The following GSE1 variants were observed in gnomAD, a reference collection of about 807,000 sequenced individuals.
GSE1 encodes the protein Gse1 coiled-coil protein, also known as genetic suppressor element 1.
A neutral mutation model predicts 112.6 loss-of-function variants in GSE1; 32 were observed. That is an observed-to-expected ratio of 0.28 (90% CI 0.21 to 0.38). The LOEUF (loss-of-function observed/expected upper bound fraction) is 0.38. Ranked by LOEUF, GSE1 falls within the 10% of genes least tolerant of loss-of-function variation. The pLI is 1.00. For synonymous variants in GSE1, 1,115 were observed against 735.6 expected (o/e 1.52, Z -8.35); for missense variants, 2,348 against 1,699.2 (o/e 1.38, Z -6.71).
chr16:85,658,597 G>A (rs945893848), intron 8 of GSE1, among the ~76,000 whole-genome samples: 2 of 152,224 alleles, frequency 1.3e-5, no homozygotes, highest in Non-Finnish European at 2.9e-5. Context: ...AGGGATGACT[G>A]GGAGTGACTG....
rs28540099 is a variant in GSE1, at chr16:85,437,972, G to A, written c.2464+80329G>A. Among the ~76,000 whole-genome samples the A allele has an allele frequency of 9.3e-3, 1,419 of 152,294 alleles. 17 individuals carry two copies. The highest frequency in any genetic ancestry group is 0.032 in the African/African-American group (1,346 of 41,556). Reference sequence around the variant, plus strand: ...ATTAAGTCACTTATGTGTGGAAGGTGCATAAATAACAGCTATTCTAACTAG... The same window carrying A: ...ATTAAGTCACTTATGTGTGGAAGGTACATAAATAACAGCTATTCTAACTAG... On this transcript the variant is annotated intron_variant, in intron 2 of 2. Transcript: ENST00000637419.
intron 1 of GSE1, chr16:85,556,382 T>C: frequency 1.0e-6 from 1 of 981,490 alleles, no homozygotes; most frequent in Non-Finnish European, 1.2e-6. Context: ...GCCGTGCGCC[T>C]CCCTGGGTCC....
In GSE1 at chr16:85,641,290, G is replaced by A. The variant is rs1279955137; in HGVS notation, c.226+7158G>A. 5.3e-5 allele frequency among the ~76,000 whole-genome samples: 8 copies of A among 152,216 alleles called. No homozygotes were observed. In the East Asian group the frequency reaches 7.7e-4, roughly 15 times the overall value. ...CCCAGGGTCCAGCATCTAAGCTCAC[G>A]CTGTTCAGCACATAATCCGCCCCCG... On this transcript the variant is annotated intron_variant, in intron 2 of 15. Coordinates refer to ENST00000253458, the MANE Select transcript of GSE1 (RefSeq NM_014615.5).
intron 1 of GSE1, among the ~76,000 whole-genome samples, chr16:85,562,699 T>C (rs1193943016): frequency 1.3e-5 from 2 of 152,228 alleles, no homozygotes; most frequent in Non-Finnish European, 2.9e-5. Context: ...CTTGCCCATC[T>C]TCCTCCTGGA....
chr16:85,425,235 A>G (rs957887399), intron 2 of GSE1, among the ~76,000 whole-genome samples: 36 of 148,636 alleles, frequency 2.4e-4, no homozygotes, highest in African/African-American at 8.3e-4. Flanking sequence ...GCATTTCAAC[A>G]GAGAGGATTT....
At chr16:85,547,298 A>G (rs1349956965) in intron 2 of GSE1, among the ~76,000 whole-genome samples, 4 of 152,148 alleles carry the variant, frequency 2.6e-5, no homozygotes, top group Non-Finnish European at 5.9e-5. Context: ...AACAACAGAA[A>G]TGTATTCTCT....
At chr16:85,581,116 T>C (rs1013501384) in intron 1 of GSE1, among the ~76,000 whole-genome samples, 2 of 152,120 alleles carry the variant, frequency 1.3e-5, no homozygotes. Flanking sequence ...AAGGATTTGG[T>C]GAGGTGATCA....
chr16:85,614,273 C>G (rs1051329220), intron 1 of GSE1, among the ~76,000 whole-genome samples: 2 of 152,168 alleles, frequency 1.3e-5, no homozygotes, highest in South Asian at 2.1e-4. Context: ...GTGGCCCGAC[C>G]GAGTGGAGCC....
At chr16:85,507,465 G>A (rs2051577375) in intron 2 of GSE1, among the ~76,000 whole-genome samples, 2 of 152,264 alleles carry the variant, frequency 1.3e-5, no homozygotes, top group African/African-American at 4.8e-5. Flanking sequence ...CCCTTGCCCA[G>A]TGGGTGCTGC....
At chr16:85,651,092 G>A (rs1309147139) in intron 3 of GSE1, among the ~76,000 whole-genome samples, 13 of 58,934 alleles carry the variant, frequency 2.2e-4, no homozygotes, top group Admixed American at 1.3e-3. Context: ...CTCCCCCTCC[G>A]CCTTCTTTCT....
chr16:85,502,665 A>G (rs1429984819), intron 2 of GSE1, among the ~76,000 whole-genome samples: 4 of 152,210 alleles, frequency 2.6e-5, no homozygotes, highest in African/African-American at 9.6e-5. Flanking sequence ...AAGGAACCCT[A>G]CAGGGTCAGA....
chr16:85,649,325 T>G (rs1477515014), intron 3 of GSE1, among the ~76,000 whole-genome samples: 1 of 152,180 alleles, frequency 6.6e-6, no homozygotes, highest in African/African-American at 2.4e-5. Context: ...AAGTGGTGTT[T>G]GCACGCTGAG....
chr16:85,421,727 G>A (rs951931696), intron 2 of GSE1, among the ~76,000 whole-genome samples: 1 of 152,174 alleles, frequency 6.6e-6, no homozygotes, highest in South Asian at 2.1e-4. Context: ...GGAACCAAGG[G>A]CTGGTGGCTT....
chr16:85,645,821 A>C (rs74034008), intron 2 of GSE1, among the ~76,000 whole-genome samples: 1 of 152,054 alleles, frequency 6.6e-6, no homozygotes, highest in African/African-American at 2.4e-5. Flanking sequence ...CACGCATTCT[A>C]CCTGCTTCTA....
chr16:85,203,840 C>T (rs1195334934), intron 1 of GSE1, among the ~76,000 whole-genome samples: 4 of 152,170 alleles, frequency 2.6e-5, no homozygotes, highest in African/African-American at 7.2e-5. Context: ...TGGGCTCAGG[C>T]GATCCTCCCA....
chr16:85,630,872 T>C (rs1433847858), intron 1 of GSE1, among the ~76,000 whole-genome samples: 2 of 152,112 alleles, frequency 1.3e-5, no homozygotes, highest in South Asian at 2.1e-4. Context: ...GCTTGGGCGA[T>C]GGCTGTGAGG....
intron 1 of GSE1, among the ~76,000 whole-genome samples, chr16:85,571,693 GA>G (rs1444736199): frequency 3.3e-5 from 5 of 152,186 alleles, no homozygotes; most frequent in Admixed American, 6.5e-5. Context: ...AGGAAGGACT[GA>G]GGGGGAGAAA....
intron 1 of GSE1, among the ~76,000 whole-genome samples, chr16:85,348,215 T>A (rs935435726): frequency 2.0e-5 from 3 of 151,874 alleles, no homozygotes; most frequent in African/African-American, 7.3e-5. Flanking sequence ...TGTCCACCCA[T>A]CTATCATCCA....
chr16:85,404,500 C>T (rs13333885), intron 2 of GSE1, among the ~76,000 whole-genome samples: 17 of 46,080 alleles, frequency 3.7e-4, no homozygotes, highest in East Asian at 2.1e-3. Flanking sequence ...AGGGCCCCCC[C>T]GGATAATCCT....
Sources: gnomAD v4.1 joint callset for allele counts (sites outside exome capture counted in the v4.1 genomes callset) on GRCh38, gnomAD v4.1.1 for gene constraint, MANE v1.5 for transcripts, NCBI Gene and HGNC (gene_info 2026-07-23, HGNC 2026-07-21) for gene names.